TXK: variants seen among roughly 807,000 people sequenced by gnomAD.
The protein encoded by TXK is tyrosine-protein kinase TXK.
TXK carries 60 observed loss-of-function variants against 81.0 expected under a neutral mutation model. That is an observed-to-expected ratio of 0.74 (90% confidence interval 0.60 to 0.92). TXK has a LOEUF of 0.92. TXK is among the 40% of genes least tolerant of loss of function. The pLI is 0.00. For missense variants in TXK, 581 were observed against 638.3 expected (o/e 0.91, Z 0.97); for synonymous variants, 203 against 210.7 (o/e 0.96, Z 0.32).
At chr4:48,078,223 A>G (rs187959659) in intron 11 of TXK, among the ~76,000 whole-genome samples, 219 of 152,318 alleles carry the variant, frequency 1.4e-3, no homozygotes, top group African/African-American at 5.0e-3. Flanking sequence ...AGACTCTAGT[A>G]TTTGTGTAAA....
chr4:48,104,753 T>C (rs1718397278), intron 6 of TXK, 148 bp downstream of exon 6: 1 of 599,020 alleles, frequency 1.7e-6, no homozygotes, highest in Non-Finnish European at 2.9e-6. Flanking sequence ...ATATATCTGA[T>C]TTACAACTTC....
At chr4:48,078,520 G>A (rs939373839) in intron 11 of TXK, among the ~76,000 whole-genome samples, 6 of 152,172 alleles carry the variant, frequency 3.9e-5, no homozygotes, top group African/African-American at 9.7e-5. Flanking sequence ...AGACATGGAA[G>A]AACATAAGGA....
Position 48,089,817 on chromosome 4 carries a change from C to A in TXK, c.717G>T (p.Met239Ile). Residue 239 changes from methionine to isoleucine, a missense_variant, in exon 9 of 15, where the codon ATG becomes ATT. By Grantham distance (10) the Met-to-Ile change is conservative (BLOSUM62 1). Coordinates refer to ENST00000264316, the MANE Select transcript of TXK (RefSeq NM_003328.3). ...WYHQHNAAGL[M>I]TRLRYPVGLM... ...GCCCAACTGGATATCGGAGACGAGT[C>A]ATGAGACCTAAGGAGAAAGAGAAAT... 1 of 1,612,370 alleles carries A rather than the reference C, an allele frequency of 6.2e-7. No individual in the cohort carries two copies. The highest frequency in any genetic ancestry group is 1.1e-5 in the South Asian group (1 of 90,996).
chr4:48,102,653 T>C (rs1047137229), intron 6 of TXK, among the ~76,000 whole-genome samples: 10 of 152,182 alleles, frequency 6.6e-5, no homozygotes, highest in African/African-American at 1.9e-4. Flanking sequence ...CAAGATGACA[T>C]TTATAAGAAA....
At chr4:48,114,257 C>A (rs1718730842) in intron 2 of TXK, 91 bp downstream of exon 2, 1 of 1,317,330 alleles carries the variant, frequency 7.6e-7, no homozygotes, top group South Asian at 1.2e-5. Context: ...GTAGAGAGAA[C>A]AGCGGGTGCA....
At chr4:48,073,238 G>A (rs1716934442) in intron 13 of TXK, among the ~76,000 whole-genome samples, 1 of 151,886 alleles carries the variant, frequency 6.6e-6, no homozygotes, top group East Asian at 1.9e-4. Flanking sequence ...TAACCTTATT[G>A]TAGACAATAA....
chr4:48,120,521 C>T (rs1184146748), intron 1 of TXK, among the ~76,000 whole-genome samples: 3 of 150,726 alleles, frequency 2.0e-5, no homozygotes, highest in African/African-American at 7.3e-5. Context: ...GACCAAGTCT[C>T]GCTCTGTCGC....
Position 48,114,411 on chromosome 4 carries a change from C to G in TXK, c.17-9G>C. On this transcript the variant is annotated splice_polypyrimidine_tract_variant and intron_variant, in intron 1 of 14. Coordinates refer to ENST00000264316, the MANE Select transcript of TXK (RefSeq NM_003328.3). ...CGACTGGATGGTGTTATCTGAAAAG[C>G]AGATCATTTCTCAGCTGTTAGAAAG... The G allele has an allele frequency of 1.2e-6, 2 of 1,614,052 alleles. No homozygotes were observed. The highest frequency in any genetic ancestry group is 1.7e-6 in the Non-Finnish European group (2 of 1,179,964).
chr4:48,103,967 C>T (rs1242272503), intron 6 of TXK, among the ~76,000 whole-genome samples: 7 of 151,300 alleles, frequency 4.6e-5, no homozygotes, highest in Non-Finnish European at 1.5e-5. Flanking sequence ...CTTTGGGAGG[C>T]CAAGCCGGGC....
chr4:48,069,562 G>A (rs551217628), intron 14 of TXK, among the ~76,000 whole-genome samples: 9 of 152,030 alleles, frequency 5.9e-5, no homozygotes, highest in African/African-American at 2.2e-4. Flanking sequence ...TCCCAGCCTC[G>A]TGATTCGCCC....
At chr4:48,118,603 C>T (rs577529437) in intron 1 of TXK, among the ~76,000 whole-genome samples, 7 of 152,146 alleles carry the variant, frequency 4.6e-5, no homozygotes, top group Non-Finnish European at 1.0e-4. Flanking sequence ...TTAGTCTTTA[C>T]CAGTAGAAAG....
At position 48,123,933 on chromosome 4, in the gene TXK, G is replaced by A. The variant is rs73814675; in HGVS notation, c.17-9531C>T. Reference sequence around the variant, plus strand: ...CTGTTTGCTCTGTTCTCACAGACACGTCGTGCATTTCTGCCTCCAGCCTGG... The same window carrying A: ...CTGTTTGCTCTGTTCTCACAGACACATCGTGCATTTCTGCCTCCAGCCTGG... On this transcript the variant is annotated intron_variant, in intron 1 of 14. Transcript: ENST00000264316. 1.0e-3 allele frequency among the ~76,000 whole-genome samples: 152 copies of A among 152,146 alleles called. 1 individual carries two copies. Among genetic ancestry groups the A allele is most frequent in the African/African-American group, 3.5e-3 (147 of 41,510 alleles).
intron 1 of TXK, 25 bp from the exon 2 acceptor site, chr4:48,114,427 T>C: frequency 6.2e-7 from 1 of 1,613,484 alleles, no homozygotes; most frequent in Non-Finnish European, 8.5e-7. Context: ...ATTTCTCAGC[T>C]GTTAGAAAGC....
At chr4:48,084,528 C>CT (rs1459100025) in intron 10 of TXK, among the ~76,000 whole-genome samples, 3 of 152,134 alleles carry the variant, frequency 2.0e-5, no homozygotes, top group Non-Finnish European at 2.9e-5. Context: ...CCCATTCATT[C>CT]TTTTTTTATT....
intron 6 of TXK, among the ~76,000 whole-genome samples, chr4:48,101,982 T>A (rs1182296568): frequency 6.6e-6 from 1 of 152,106 alleles, no homozygotes; most frequent in Non-Finnish European, 1.5e-5. Flanking sequence ...TTTTATTTTT[T>A]TAATTTATTT....
intron 1 of TXK, among the ~76,000 whole-genome samples, chr4:48,130,870 T>C (rs1030249106): frequency 6.6e-6 from 1 of 152,144 alleles, no homozygotes; most frequent in Non-Finnish European, 1.5e-5. Flanking sequence ...GATCCAGTTA[T>C]GGAGATGAGC....
At position 48,073,978 on chromosome 4, in the gene TXK, A is replaced by G. The variant is rs1171038960; in HGVS notation, c.1314T>C (p.Phe438=). 3.1e-6 allele frequency: 5 copies of G among 1,614,022 alleles called. No individual in the cohort carries two copies. Among genetic ancestry groups the G allele is most frequent in the Non-Finnish European group, 4.2e-6 (5 of 1,179,910 alleles). Residue 438 remains phenylalanine (F), a synonymous_variant, in exon 13 of 15, where the codon TTT becomes TTC. Transcript: ENST00000264316. ...ATTTACTGCTGTACTTATTGAAAAGAAAAACTTCAGGAGGGGACCACTTGA... is the reference window on the plus strand; with the variant it reads ...ATTTACTGCTGTACTTATTGAAAAGGAAAACTTCAGGAGGGGACCACTTGA... ...FPIKWSPPEV[F]LFNKYSSKSD... is the part of the protein sequence containing the mutation.
chr4:48,085,661 G>T (rs1015335802), intron 10 of TXK, among the ~76,000 whole-genome samples: 3 of 143,800 alleles, frequency 2.1e-5, no homozygotes, highest in Middle Eastern at 7.2e-3. Flanking sequence ...TAAACCCCAA[G>T]CTCCATTGGC....
At chr4:48,129,638 C>T (rs913576910) in intron 1 of TXK, among the ~76,000 whole-genome samples, 2 of 152,218 alleles carry the variant, frequency 1.3e-5, no homozygotes, top group Non-Finnish European at 2.9e-5. Flanking sequence ...GACCGCTCAT[C>T]TGTTTCCCAG....
Sources: allele counts gnomAD v4.1 joint callset (sites outside exome capture counted in the v4.1 genomes callset), GRCh38; gene constraint gnomAD v4.1.1; transcripts MANE v1.5; gene names NCBI Gene and HGNC (gene_info 2026-07-23, HGNC 2026-07-21).